BNIP3L: variants seen among roughly 807,000 people sequenced by gnomAD.
The protein encoded by BNIP3L is BCL2 interacting protein 3 like, also known as BCL2/adenovirus E1B 19 kDa protein-interacting protein 3-like.
In BNIP3L, 10 loss-of-function variants were observed where a neutral mutation model predicts 25.5. The observed-to-expected ratio is 0.39, with a 90% CI of 0.24 to 0.67. BNIP3L has a LOEUF of 0.67. Ranked by LOEUF, BNIP3L falls within the 30% of genes least tolerant of loss-of-function variation. BNIP3L has a pLI of 0.45. For synonymous variants in BNIP3L, 113 were observed against 101.2 expected (o/e 1.12, Z -0.70); for missense variants, 215 against 270.9 (o/e 0.79, Z 1.45).
chr8:26,395,149 T>C (rs1440756375), intron 2 of BNIP3L, 81 bp from the exon 3 acceptor site: 1 of 1,465,386 alleles, frequency 6.8e-7, no homozygotes, highest in African/African-American at 1.4e-5. Context: ...CTGTAACTTT[T>C]AATTTTCTAA....
chr8:26,387,226 C>A (rs970416215), intron 1 of BNIP3L, among the ~76,000 whole-genome samples: 2 of 152,144 alleles, frequency 1.3e-5, no homozygotes, highest in African/African-American at 2.4e-5. Flanking sequence ...CCTTCACAGT[C>A]TATTATGTTA....
At position 26,408,296 on chromosome 8, in the gene BNIP3L, A is replaced by G. The variant is rs1446199611; in HGVS notation, c.531A>G (p.Lys177=). 8.7e-6 allele frequency: 14 copies of G among 1,614,140 alleles called. No homozygotes were observed. The highest frequency in any genetic ancestry group is 1.6e-4 in the Middle Eastern group (1 of 6,062). The change falls in exon 5 of 6, where the codon AAA becomes AAG. Residue 177 remains lysine, a synonymous_variant. Transcript: ENST00000380629. ...LSMRKSGAMK[K]GGIFSAEFLK... is the part of the protein sequence containing the mutation. ...TGAGGAAAAGTGGAGCCATGAAGAA[A>G]GGGGGTATTTTCTCCGCAGAATTTC...
At chr8:26,401,407 G>T (rs1806368985) in intron 3 of BNIP3L, among the ~76,000 whole-genome samples, 1 of 151,214 alleles carries the variant, frequency 6.6e-6, no homozygotes, top group Admixed American at 6.6e-5. Context: ...CACACTCTGG[G>T]GACTGTGGTG....
chr8:26,410,229 G>C (rs1239999712), intron 5 of BNIP3L, 135 bp from the exon 6 acceptor site: 2 of 916,514 alleles, frequency 2.2e-6, no homozygotes, highest in African/African-American at 3.3e-5. Context: ...ATTTCACGGT[G>C]TTTGGGGAGC....
At chr8:26,391,141 G>C in intron 1 of BNIP3L, 102 bp from the exon 2 acceptor site, 2 of 981,026 alleles carry the variant, frequency 2.0e-6, no homozygotes, top group Non-Finnish European at 2.9e-6. Flanking sequence ...CATTTGGTTT[G>C]AGGAGAGTCA....
At chr8:26,406,752 T>C (rs1382198027) in intron 3 of BNIP3L, among the ~76,000 whole-genome samples, 1 of 151,482 alleles carries the variant, frequency 6.6e-6, no homozygotes, top group Non-Finnish European at 1.5e-5. Context: ...AGCCCAGGAG[T>C]TCGAGGCTGC....
intron 1 of BNIP3L, among the ~76,000 whole-genome samples, chr8:26,387,645 T>TCTTCCTCA (rs1806020182): frequency 6.6e-6 from 1 of 152,228 alleles, no homozygotes; most frequent in Admixed American, 6.5e-5. Context: ...TTTTTATGTG[T>TCTTCCTCA]TACTCAAAAG....
chr8:26,400,569 T>C (rs1806347055), intron 3 of BNIP3L, among the ~76,000 whole-genome samples: 1 of 141,136 alleles, frequency 7.1e-6, no homozygotes, highest in Non-Finnish European at 1.5e-5. Flanking sequence ...ACAAATGGGA[T>C]CTAATTAAAC....
intron 3 of BNIP3L, among the ~76,000 whole-genome samples, chr8:26,402,579 C>G (rs1201655226): frequency 6.6e-6 from 1 of 152,226 alleles, no homozygotes; most frequent in Non-Finnish European, 1.5e-5. Flanking sequence ...TTCCCCCACA[C>G]TCTCACCTTA....
At chr8:26,408,701 G>A (rs1372113382) in intron 5 of BNIP3L, among the ~76,000 whole-genome samples, 1 of 151,898 alleles carries the variant, frequency 6.6e-6, no homozygotes, top group Non-Finnish European at 1.5e-5. Context: ...GTGAAACCCG[G>A]TCTCTACTAA....
At chr8:26,393,825 A>G (rs897566316) in intron 2 of BNIP3L, among the ~76,000 whole-genome samples, 1 of 152,102 alleles carries the variant, frequency 6.6e-6, no homozygotes, top group African/African-American at 2.4e-5. Context: ...CTAAATATAT[A>G]TGACGTTGGT....
chr8:26,383,975 C>T (rs1805923605), intron 1 of BNIP3L, among the ~76,000 whole-genome samples: 1 of 151,876 alleles, frequency 6.6e-6, no homozygotes, highest in South Asian at 2.1e-4. Flanking sequence ...AGATTGCACA[C>T]GTCAGGGAGT....
intron 1 of BNIP3L, among the ~76,000 whole-genome samples, chr8:26,384,886 G>A (rs377131219): frequency 1.4e-4 from 21 of 151,954 alleles, no homozygotes; most frequent in African/African-American, 4.4e-4. Flanking sequence ...TAGTAGAGAC[G>A]AAGTTTCGCC....
intron 1 of BNIP3L, among the ~76,000 whole-genome samples, chr8:26,387,265 C>G (rs1806012350): frequency 6.6e-6 from 1 of 152,182 alleles, no homozygotes; most frequent in South Asian, 2.1e-4. Flanking sequence ...ACAGAAGTTT[C>G]TCTGAATCTC....
At position 26,408,372 on chromosome 8, in the gene BNIP3L, C is replaced by T; in HGVS notation, c.607C>T (p.Leu203=). The T allele has an allele frequency of 6.2e-7, 1 of 1,613,914 alleles. No homozygotes were observed. The highest frequency in any genetic ancestry group is 8.5e-7 in the Non-Finnish European group (1 of 1,179,876). ...CCTTTCTCATGTTTTGGCTTTGGGG[C>T]TAGGGTAAGTACCGGTCAACTCCTG... The part of the protein sequence containing the change: ...LFLSHVLALG[L]GIYIGKRLST... The change falls in exon 5 of 6, where the codon CTA becomes TTA. Residue 203 remains leucine (L), a synonymous_variant. Coordinates refer to ENST00000380629, the MANE Select transcript of BNIP3L (RefSeq NM_004331.3).
intron 1 of BNIP3L, 46 bp from the exon 2 acceptor site, chr8:26,391,197 C>G (rs755509260): frequency 1.3e-6 from 2 of 1,504,000 alleles, no homozygotes; most frequent in East Asian, 4.7e-5. Flanking sequence ...GTGCACATGA[C>G]AGATTTCAGT....
intron 1 of BNIP3L, chr8:26,390,305 A>G: frequency 1.0e-6 from 1 of 960,220 alleles, no homozygotes; most frequent in South Asian, 4.8e-5. Context: ...AACTCATCAG[A>G]CCAATAAATA....
intron 1 of BNIP3L, 57 bp from the exon 2 acceptor site, chr8:26,391,186 T>C (rs1273194077): frequency 6.9e-7 from 1 of 1,444,954 alleles, no homozygotes; most frequent in African/African-American, 1.4e-5. Context: ...TTCACATCTG[T>C]GTGCACATGA....
chr8:26,391,955 G>A (rs1016021642), intron 2 of BNIP3L, among the ~76,000 whole-genome samples: 2 of 152,148 alleles, frequency 1.3e-5, no homozygotes, highest in East Asian at 3.8e-4. Flanking sequence ...AGCAATATTT[G>A]CACAGTTGGA....
Sources: allele counts gnomAD v4.1 joint callset (sites outside exome capture counted in the v4.1 genomes callset), GRCh38; gene constraint gnomAD v4.1.1; transcripts MANE v1.5; gene names NCBI Gene and HGNC (gene_info 2026-07-23, HGNC 2026-07-21).